ARID1B: variants seen among roughly 807,000 people sequenced by gnomAD.
ARID1B encodes AT-rich interactive domain-containing protein 1B.
Under a neutral mutation model 212.3 loss-of-function variants are expected in ARID1B, and 30 were observed. The ratio of observed to expected loss-of-function variants is 0.14; its 90% CI spans 0.11 to 0.19. The LOEUF is 0.19. ARID1B is among the 10% of genes least tolerant of loss of function. The pLI, the probability that ARID1B is intolerant of heterozygous loss-of-function variation, is 1.00. For synonymous variants in ARID1B, 1,402 were observed against 1,301.7 expected (o/e 1.08, Z -1.66); for missense variants, 2,891 against 3,204.0 (o/e 0.90, Z 2.36).
At chr6:157,091,060 GT>G (rs576510602) in intron 5 of ARID1B, among the ~76,000 whole-genome samples, 63 of 152,178 alleles carry the variant, frequency 4.1e-4, no homozygotes, top group Non-Finnish European at 7.8e-4. Flanking sequence ...TTCAGTCTCT[GT>G]CCTTTGAAAA....
At chr6:157,175,233 A>G (rs958969333) in intron 11 of ARID1B, 23 of 298,712 alleles carry the variant, frequency 7.7e-5, no homozygotes, top group Non-Finnish European at 1.4e-4. Context: ...AAAAGCTGTT[A>G]TAAAGAAGCA....
intron 4 of ARID1B, among the ~76,000 whole-genome samples, chr6:157,010,774 C>CACTA (rs1472425596): frequency 6.6e-6 from 1 of 152,144 alleles, no homozygotes; most frequent in Non-Finnish European, 1.5e-5. Context: ...AAATCTTTCT[C>CACTA]TAGTGCTTAA....
At position 157,203,645 on chromosome 6, in the gene ARID1B, T is replaced by G. The variant is rs935443620; in HGVS notation, c.5264-221T>G. On this transcript the variant is annotated intron_variant, in intron 18 of 19. Coordinates refer to ENST00000636930, the MANE Select transcript of ARID1B (RefSeq NM_001374828.1). The surrounding 1 kb of genome is among the most constrained non-coding windows in gnomAD (Gnocchi z 4.4). Reference sequence around the variant, plus strand: ...TCCAGAAGCACTTTCGGCCCCTGCGTGACCAACAAAGCGAGATCTGAAACC... The same window carrying G: ...TCCAGAAGCACTTTCGGCCCCTGCGGGACCAACAAAGCGAGATCTGAAACC... 10 of 579,284 alleles carry G rather than the reference T, an allele frequency of 1.7e-5. No individual in the cohort carries two copies. Among genetic ancestry groups the G allele is most frequent in the African/African-American group, 3.7e-5 (2 of 54,080 alleles). 35.9% of individuals were successfully genotyped at this position (579,284 alleles called of 1,614,324 possible).
chr6:156,991,274 A>G (rs148136938), intron 4 of ARID1B, among the ~76,000 whole-genome samples: 1,540 of 152,274 alleles, frequency 0.01, 13 homozygotes, highest in South Asian at 0.016. Context: ...TCTGTCGCCC[A>G]AGCTGGAGTG....
rs559060449 is a variant in ARID1B, at chr6:156,828,924, C to T, written c.1792-303C>T. Among the ~76,000 whole-genome samples the T allele has an allele frequency of 1.2e-4, 19 of 152,234 alleles. No homozygotes were observed. In the South Asian group the frequency reaches 2.9e-3, roughly 23 times the overall value. On this transcript the variant is annotated intron_variant, in intron 1 of 19. Transcript: ENST00000636930. ...TTAACTATCATGCTCTTTTCCTGTACGCATAATAGAATTTTAGATGCAAAT... is the reference window on the plus strand; with the variant it reads ...TTAACTATCATGCTCTTTTCCTGTATGCATAATAGAATTTTAGATGCAAAT...
At chr6:156,909,858 T>G (rs1293226663) in intron 3 of ARID1B, among the ~76,000 whole-genome samples, 3 of 152,248 alleles carry the variant, frequency 2.0e-5, no homozygotes, top group African/African-American at 7.2e-5. Flanking sequence ...GTGATCCTCC[T>G]TTTGAGCGAA....
chr6:157,202,663 C>G (rs2128381268), intron 18 of ARID1B, among the ~76,000 whole-genome samples: 1 of 151,924 alleles, frequency 6.6e-6, no homozygotes, highest in South Asian at 2.1e-4. Flanking sequence ...CACACACACA[C>G]ACACATATTC....
In ARID1B at chr6:156,779,419, G is replaced by A. The variant is rs764716697; in HGVS notation, c.1739G>A (p.Ser580Asn). 2.1e-5 allele frequency: 31 copies of A among 1,465,760 alleles called. No individual in the cohort carries two copies. Among genetic ancestry groups the A allele is most frequent in the Middle Eastern group, 3.9e-4 (2 of 5,172 alleles). The allele number at this position is 1,465,760 out of a possible 1,614,324, so 90.8% of individuals were successfully genotyped here. Reference sequence around the variant, plus strand: ...GCCTGGGCGGCCGCGCAACAAAGGAGTCACCCGGCGATGAGCCCCGGCACC... The same window carrying A: ...GCCTGGGCGGCCGCGCAACAAAGGAATCACCCGGCGATGAGCCCCGGCACC... ...SPAWAAAQQR[S>N]HPAMSPGTPG... The change falls in exon 1 of 20, where the codon AGT becomes AAT. Residue 580 changes from serine to asparagine, a missense_variant. Around this residue, in one of 7 missense-constraint regions of ARID1B, gnomAD observed 1,643 missense variants for 1,544.0 expected, o/e 1.06. Transcript: ENST00000636930.
At chr6:157,189,513 G>A (rs1448196994) in intron 13 of ARID1B, 129 bp from the exon 14 acceptor site, 1 of 1,146,234 alleles carries the variant, frequency 8.7e-7, no homozygotes, top group Non-Finnish European at 1.2e-6. Flanking sequence ...AATGGCTATT[G>A]TTACTGTTTC....
chr6:157,167,001 A>G, intron 8 of ARID1B, 39 bp from the exon 9 acceptor site: 1 of 1,601,310 alleles, frequency 6.2e-7, no homozygotes, highest in Non-Finnish European at 8.5e-7. Flanking sequence ...GCTAATGTGC[A>G]TGGTCGGTAT....
At chr6:157,083,705 G>A (rs917560382) in intron 4 of ARID1B, among the ~76,000 whole-genome samples, 3 of 152,034 alleles carry the variant, frequency 2.0e-5, no homozygotes, top group African/African-American at 4.8e-5. Context: ...TGGCATTGAC[G>A]GTGAAAAACT....
At chr6:157,196,850 A>T (rs1289305726) in intron 16 of ARID1B, among the ~76,000 whole-genome samples, 2 of 152,200 alleles carry the variant, frequency 1.3e-5, no homozygotes, top group Non-Finnish European at 1.5e-5. Flanking sequence ...ACATCTCTAG[A>T]AAACCCACAG....
intron 6 of ARID1B, among the ~76,000 whole-genome samples, chr6:157,113,642 A>G (rs893747583): frequency 6.6e-6 from 1 of 152,154 alleles, no homozygotes; most frequent in Non-Finnish European, 1.5e-5. Flanking sequence ...CCATGATCCA[A>G]TAACCTCCCA....
chr6:157,207,706 C>G lies in ARID1B; in HGVS notation c.6934C>G (p.Pro2312Ala). 1 of 1,607,968 alleles carries G rather than the reference C, an allele frequency of 6.2e-7. No homozygotes were observed. The highest frequency in any genetic ancestry group is 8.5e-7 in the Non-Finnish European group (1 of 1,174,972). The change falls in exon 20 of 20, where the codon CCA (proline) becomes GCA (alanine). Residue 2312 changes from proline (P) to alanine (A), a missense_variant. By Grantham distance (27) the Pro-to-Ala change is conservative (BLOSUM62 -1). Transcript: ENST00000636930. This position sits in a 1 kb window ranked among gnomAD's most constrained non-coding sequence, Gnocchi z 8.5. ...GCACATGCAGCCCCCGCCCCTGGAA[C>G]CACCTAGCGTAGACATGATGTGCAG... ...LMHMQPPPLE[P>A]PSVDMMCRAA...
In ARID1B at chr6:157,208,641, TA is replaced by T. The variant is rs902442942; in HGVS notation, c.*751del. The T allele has an allele frequency of 3.4e-4, 78 of 232,032 alleles. No homozygotes were observed. Among genetic ancestry groups the T allele is most frequent in the African/African-American group, 1.6e-3 (74 of 45,240 alleles). 14.4% of individuals were successfully genotyped at this position (232,032 alleles called of 1,614,324 possible). Reference sequence around the variant, plus strand: ...ACAATTCCTTTCATCATTTTTTAAATATTTTTTTTACTGCCTATGGGCTGTG... The same window carrying T: ...ACAATTCCTTTCATCATTTTTTAAATTTTTTTTTACTGCCTATGGGCTGTG... On this transcript the variant is annotated 3_prime_UTR_variant, in exon 20 of 20. Transcript: ENST00000636930.
Position 156,829,410 on chromosome 6 carries a change from C to T in ARID1B, c.1975C>T (p.Pro659Ser), listed in dbSNP as rs1457449058. ...TPGAMAGMQY[P>S]QQQMPPQYGQ... The stretch of plus-strand genomic sequence containing the variant: ...CGGGGCCATGGCCGGAATGCAGTAC[C>T]CTCAGCAGCAGGTTTGTGCTGGTCC... The change falls in exon 2 of 20, where the codon CCT becomes TCT. Residue 659 changes from proline (P) to serine (S), a missense_variant. Transcript: ENST00000636930. 4 of 1,613,966 alleles carry T rather than the reference C, an allele frequency of 2.5e-6. No individual in the cohort carries two copies. The highest frequency in any genetic ancestry group is 3.4e-6 in the Non-Finnish European group (4 of 1,179,974).
At chr6:157,013,378 C>A (rs1461938986) in intron 4 of ARID1B, among the ~76,000 whole-genome samples, 1 of 152,160 alleles carries the variant, frequency 6.6e-6, no homozygotes, top group Non-Finnish European at 1.5e-5. Flanking sequence ...GGACTTAGTA[C>A]CATTCATGTG....
intron 3 of ARID1B, among the ~76,000 whole-genome samples, chr6:156,920,799 C>T (rs960678920): frequency 6.6e-6 from 1 of 151,774 alleles, no homozygotes; most frequent in East Asian, 1.9e-4. Context: ...GCAGGGAAGG[C>T]CCTTTGGTAT....
intron 2 of ARID1B, among the ~76,000 whole-genome samples, chr6:156,831,449 C>T (rs1056478561): frequency 2.0e-5 from 3 of 152,332 alleles, no homozygotes; most frequent in South Asian, 2.1e-4. Flanking sequence ...GGCAAGCAGC[C>T]GGATCTCCCT....
Sources: gnomAD v4.1 joint callset for allele counts (sites outside exome capture counted in the v4.1 genomes callset) on GRCh38, gnomAD v4.1.1 for gene constraint, gnomAD v4.1.1 regional missense constraint, Gnocchi (gnomAD v3.1) non-coding constraint, MANE v1.5 for transcripts, NCBI Gene and HGNC (gene_info 2026-07-23, HGNC 2026-07-21) for gene names.